Variants in MBTD1 observed in about 807,000 individuals in gnomAD.
The protein encoded by MBTD1 is MBT domain-containing protein 1.
Under a neutral mutation model 87.8 loss-of-function variants are expected in MBTD1, and 24 were observed. The observed-to-expected ratio is 0.27, with a 90% CI of 0.20 to 0.38. The LOEUF (loss-of-function observed/expected upper bound fraction) is 0.38. Among genes scored for constraint, MBTD1 ranks in the 10% least tolerant of loss-of-function variants. The probability of loss-of-function intolerance (pLI) is 1.00; values close to 1 mark genes in which losing one functional copy is unlikely to be tolerated. For synonymous variants in MBTD1, 237 were observed against 248.6 expected (o/e 0.95, Z 0.44); for missense variants, 436 against 760.2 (o/e 0.57, Z 5.02).
intron 2 of MBTD1, among the ~76,000 whole-genome samples, chr17:51,246,313 A>T (rs8068115): frequency 3.9e-5 from 6 of 151,936 alleles, no homozygotes; most frequent in African/African-American, 1.2e-4. Context: ...ACCAGCAGAA[A>T]GCAAAGGTGT....
intron 7 of MBTD1, among the ~76,000 whole-genome samples, chr17:51,206,529 C>T (rs1038599875): frequency 2.9e-4 from 44 of 152,070 alleles, no homozygotes; most frequent in Non-Finnish European, 1.8e-4. Flanking sequence ...ATTACTTTTA[C>T]ATTTTTAATG....
At chr17:51,241,697 G>A (rs1199830388) in intron 2 of MBTD1, among the ~76,000 whole-genome samples, 1 of 152,138 alleles carries the variant, frequency 6.6e-6, no homozygotes, top group Non-Finnish European at 1.5e-5. Context: ...CCAAGTAGCT[G>A]GGATTACAGG....
intron 16 of MBTD1, among the ~76,000 whole-genome samples, chr17:51,188,008 A>G (rs1052369116): frequency 6.6e-6 from 1 of 152,240 alleles, no homozygotes; most frequent in Non-Finnish European, 1.5e-5. Flanking sequence ...TGTAAGCCAC[A>G]CAGTATTCCT....
chr17:51,219,736 CT>C lies in MBTD1; in HGVS notation c.288+593del, dbSNP rs2052777079. 2.0e-5 allele frequency among the ~76,000 whole-genome samples: 3 copies of C among 152,280 alleles called. No individual in the cohort carries two copies. In the South Asian group the frequency reaches 6.2e-4, roughly 32 times the overall value. The stretch of plus-strand genomic sequence containing the variant: ...CTGCAAAAATCAGTTAAGTTAATGC[CT>C]TTAAAAAGTAGTTTACAATACAATA... On this transcript the variant is annotated intron_variant, in intron 4 of 16. Transcript: ENST00000586178.
intron 12 of MBTD1, among the ~76,000 whole-genome samples, chr17:51,199,263 A>G (rs906338828): frequency 3.4e-5 from 5 of 147,746 alleles, no homozygotes; most frequent in African/African-American, 1.3e-4. Flanking sequence ...GGCCCAGCTA[A>G]TTTTTTTGTA....
intron 2 of MBTD1, among the ~76,000 whole-genome samples, chr17:51,247,810 CGGGAGTATCTGGTCA>C (rs952346097): frequency 1.3e-5 from 2 of 152,182 alleles, no homozygotes; most frequent in Non-Finnish European, 2.9e-5. Flanking sequence ...CATGTAGCAT[CGGGAGTATCTGGTCA>C]GGCAGAATTC....
rs1568135966 is a variant in MBTD1 at position 51,179,508 on chromosome 17, A to ATATATATATT, written c.*1067_*1068insAATATATATA. ...TTTATATATATATATATATATATAT[A>ATATATATATT]TATATATATATATATATATATATAT... is the stretch of plus-strand genomic sequence containing the variant. On this transcript the variant is annotated 3_prime_UTR_variant, in exon 17 of 17. Transcript: ENST00000586178. The ATATATATATT allele has an allele frequency of 2.3e-3, 196 of 83,782 alleles. 13 individuals are homozygous for ATATATATATT. The highest frequency in any genetic ancestry group is 3.9e-3 in the Non-Finnish European group (151 of 38,874). The allele number at this position is 83,782 out of a possible 1,614,324, so 5.2% of individuals were successfully genotyped here.
intron 1 of MBTD1, among the ~76,000 whole-genome samples, 179 bp from the exon 2 acceptor site, chr17:51,259,385 T>C (rs955245175): frequency 1.3e-5 from 2 of 150,846 alleles, no homozygotes; most frequent in African/African-American, 2.4e-5. Context: ...GCAAACCGCC[T>C]CGCGGCACTG....
chr17:51,236,060 T>G (rs2053814190), intron 2 of MBTD1, among the ~76,000 whole-genome samples: 1 of 152,168 alleles, frequency 6.6e-6, no homozygotes, highest in Non-Finnish European at 1.5e-5. Context: ...TATATATAGA[T>G]ATCTATAGAT....
rs1011370563 is a variant in MBTD1 at position 51,203,946 on chromosome 17, A to G, written c.605-21T>C. 3 of 1,556,444 alleles carry G rather than the reference A, an allele frequency of 1.9e-6. No homozygotes were observed. In the African/African-American group the frequency reaches 4.2e-5, roughly 22 times the overall value. On this transcript the variant is annotated intron_variant, in intron 7 of 16. Transcript: ENST00000586178. Reference sequence around the variant, plus strand: ...GTAACCTGAAACCCAGAAATAAATCACTACATAATAAGAAAATAAAATTAA... The same window carrying G: ...GTAACCTGAAACCCAGAAATAAATCGCTACATAATAAGAAAATAAAATTAA...
At chr17:51,213,023 T>C (rs2052345937) in intron 6 of MBTD1, among the ~76,000 whole-genome samples, 1 of 152,056 alleles carries the variant, frequency 6.6e-6, no homozygotes, top group Non-Finnish European at 1.5e-5. Context: ...TCACCGTGCC[T>C]GGCCTGAAGA....
intron 16 of MBTD1, chr17:51,185,859 G>C (rs2050511946): frequency 6.6e-6 from 1 of 152,338 alleles, no homozygotes; most frequent in Admixed American, 6.5e-5. Context: ...TTTTGTCTTA[G>C]TGAAGTGACT....
intron 16 of MBTD1, among the ~76,000 whole-genome samples, chr17:51,190,750 A>AAAAATATATATATATATATATAT (rs1555677185): frequency 2.5e-5 from 1 of 39,716 alleles, no homozygotes; most frequent in Non-Finnish European, 4.1e-5. Flanking sequence ...AAAAAAAAAA[A>AAAAATATATATATATATATATAT]ATATATATAT....
intron 1 of MBTD1, 54 bp downstream of exon 1, chr17:51,259,781 T>C (rs2055358445): frequency 8.1e-7 from 1 of 1,232,020 alleles, no homozygotes; most frequent in African/African-American, 1.6e-5. Flanking sequence ...GTCGGAGAGC[T>C]GCAGGCGTCC....
chr17:51,249,442 G>A (rs2054644547), intron 2 of MBTD1: 1 of 152,084 alleles, frequency 6.6e-6, no homozygotes, highest in Non-Finnish European at 1.5e-5. Flanking sequence ...GCTGTGTTAT[G>A]TGGTACATAT....
In MBTD1 at chr17:51,217,272, G is replaced by T. The variant is rs16949706; in HGVS notation, c.486+62C>A. 2,764 of 925,956 alleles carry T rather than the reference G, an allele frequency of 3.0e-3. 60 individuals carry two copies. In the African/African-American group the frequency reaches 0.04, roughly 14 times the overall value. The allele number at this position is 925,956 out of a possible 1,614,324, so 57.4% of individuals were successfully genotyped here. ...AAGGATAAGATGCTTAGGTGTTATT[G>T]TACCTTCAGATTTAAACAATGACTA... On this transcript the variant is annotated intron_variant, in intron 6 of 16. Coordinates refer to ENST00000586178, the MANE Select transcript of MBTD1 (RefSeq NM_017643.3).
rs888954581 is a variant in MBTD1 at position 51,226,432 on chromosome 17, G to A, written c.-48-1223C>T. Among the ~76,000 whole-genome samples the A allele has an allele frequency of 1.3e-4, 19 of 151,410 alleles. 1 individual carries two copies. Among genetic ancestry groups the A allele is most frequent in the African/African-American group, 4.6e-4 (19 of 41,358 alleles). ...GTGGGAGGATCACTAGAGCCTGGGA[G>A]GTGGAGGTTGCAGTGAGTTGAGATC... On this transcript the variant is annotated intron_variant, in intron 2 of 16. Transcript: ENST00000586178.
intron 3 of MBTD1, among the ~76,000 whole-genome samples, chr17:51,221,916 A>C (rs1030391419): frequency 6.6e-6 from 1 of 152,248 alleles, no homozygotes; most frequent in Non-Finnish European, 1.5e-5. Flanking sequence ...ACTTACTTAC[A>C]AATCTATGAG....
At chr17:51,216,158 C>A (rs1471386771) in intron 6 of MBTD1, among the ~76,000 whole-genome samples, 2 of 152,048 alleles carry the variant, frequency 1.3e-5, no homozygotes. Flanking sequence ...TCTTGAACTC[C>A]CGACCTCAGG....
Sources: gnomAD v4.1 joint callset for allele counts (sites outside exome capture counted in the v4.1 genomes callset) on GRCh38, gnomAD v4.1.1 for gene constraint, MANE v1.5 for transcripts, NCBI Gene and HGNC (gene_info 2026-07-23, HGNC 2026-07-21) for gene names.